The following TBC1D7 variants were observed in gnomAD, a reference collection of about 807,000 sequenced individuals.
TBC1D7 encodes the protein TBC domain family 7.
In TBC1D7, 33 loss-of-function variants were observed where a neutral mutation model predicts 35.3. The observed-to-expected ratio is 0.93, with a 90% CI of 0.71 to 1.25. The LOEUF is 1.25. TBC1D7 is among the 50% of genes most tolerant of loss of function. The pLI is 0.00. For synonymous variants in TBC1D7, 135 were observed against 129.5 expected, an observed-to-expected ratio of 1.04 and a Z score of -0.29; for missense variants, 362 against 365.3, an observed-to-expected ratio of 0.99 and a Z score of 0.07.
rs771341479 is a variant in TBC1D7, at chr6:13,326,895, T to G, written c.4A>C (p.Thr2Pro). 2.5e-6 allele frequency: 4 copies of G among 1,589,820 alleles called. No homozygotes were observed. The highest frequency in any genetic ancestry group is 3.4e-6 in the Non-Finnish European group (4 of 1,163,524). The change falls in exon 2 of 8, where the codon ACT becomes CCT. Residue 2 changes from threonine (T) to proline (P), a missense_variant. Coordinates refer to ENST00000379300, the MANE Select transcript of TBC1D7 (RefSeq NM_016495.6). Reference sequence around the variant, plus strand: ...CGAAAGTTTCTCTGAGAGTCCTCAGTCATATTTCATTCTTGGAGGAGACAC... The same window carrying G: ...CGAAAGTTTCTCTGAGAGTCCTCAGGCATATTTCATTCTTGGAGGAGACAC... M[T>P]EDSQRNFRSV...
At position 13,326,840 on chromosome 6, in the gene TBC1D7, C is replaced by T. The variant is rs1241414350; in HGVS notation, c.59G>A (p.Arg20His). The T allele has an allele frequency of 2.5e-6, 4 of 1,613,138 alleles. No homozygotes were observed. The highest frequency in any genetic ancestry group is 1.1e-5 in the South Asian group (1 of 90,976). Residue 20 changes from arginine (R) to histidine (H), a missense_variant, in exon 2 of 8, where the codon CGT (arginine) becomes CAT (histidine). Arg to His is a conservative substitution (Grantham distance 29). Transcript: ENST00000379300. ...TAATGATTTCTTTTCTTCAACTCCA[C>T]GAAACCCCACTTTCTCATAATATAC... ...RSVYYEKVGF[R>H]GVEEKKSLEI...
chr6:13,317,047 G>A (rs56276003), intron 4 of TBC1D7, among the ~76,000 whole-genome samples: 9,064 of 152,212 alleles, frequency 0.06, 707 homozygotes, highest in African/African-American at 0.17. Flanking sequence ...ACTAGGTGAG[G>A]ATATCTTTGA....
At chr6:13,308,322 A>C (rs569120102) in intron 5 of TBC1D7, among the ~76,000 whole-genome samples, 1 of 152,342 alleles carries the variant, frequency 6.6e-6, no homozygotes, top group Admixed American at 6.5e-5. Flanking sequence ...ACCAGTGCCA[A>C]GCAGGCTCAC....
intron 4 of TBC1D7, among the ~76,000 whole-genome samples, chr6:13,317,098 T>C (rs1320892773): frequency 6.6e-6 from 1 of 152,196 alleles, no homozygotes; most frequent in Non-Finnish European, 1.5e-5. Flanking sequence ...CTGGAGACAT[T>C]TTTCAGCACA....
intron 3 of TBC1D7, among the ~76,000 whole-genome samples, chr6:13,323,208 C>T (rs2127541630): frequency 6.6e-6 from 1 of 152,198 alleles, no homozygotes; most frequent in South Asian, 2.1e-4. Flanking sequence ...AAAAAATTAG[C>T]CGGGCGTGGG....
intron 5 of TBC1D7, among the ~76,000 whole-genome samples, chr6:13,313,239 C>A (rs1298984646): frequency 6.6e-6 from 1 of 151,960 alleles, no homozygotes; most frequent in Non-Finnish European, 1.5e-5. Context: ...ATAACTCTTA[C>A]AAAGAAAAAA....
In TBC1D7 at chr6:13,316,635, T is replaced by C; in HGVS notation, c.455A>G (p.Tyr152Cys). 6.2e-7 allele frequency: 1 copy of C among 1,613,934 alleles called. No individual in the cohort carries two copies. Among genetic ancestry groups the C allele is most frequent in the Non-Finnish European group, 8.5e-7 (1 of 1,179,982 alleles). ...EEMVEDSVDC[Y>C]WITRRFVNQL... ...GTTCACAAAGCGTCGGGTGATCCAG[T>C]AACAGTCGACACTATCTTCCACCAT... Residue 152 changes from tyrosine to cysteine, a missense_variant, in exon 5 of 8, where the codon TAC becomes TGC. Coordinates refer to ENST00000379300, the MANE Select transcript of TBC1D7 (RefSeq NM_016495.6).
At chr6:13,321,795 C>T (rs893696243) in intron 3 of TBC1D7, among the ~76,000 whole-genome samples, 4 of 152,184 alleles carry the variant, frequency 2.6e-5, no homozygotes, top group African/African-American at 9.7e-5. Flanking sequence ...TTGTTTTCCC[C>T]ACCTGCCAGA....
intron 3 of TBC1D7, among the ~76,000 whole-genome samples, chr6:13,321,541 GCTCA>G (rs1300905809): frequency 2.0e-5 from 3 of 152,168 alleles, no homozygotes; most frequent in African/African-American, 7.2e-5. Context: ...GTTAAAACTT[GCTCA>G]CTAAGTATCC....
At chr6:13,325,293 C>T (rs974801469) in intron 2 of TBC1D7, 119 bp from the exon 3 acceptor site, 4 of 680,790 alleles carry the variant, frequency 5.9e-6, no homozygotes, top group Admixed American at 2.7e-5. Flanking sequence ...GGAAGTCTAC[C>T]ATATGGTCAG....
Position 13,321,014 on chromosome 6 carries a change from AG to A in TBC1D7, c.274del (p.Leu92Ter). Reference sequence around the variant, plus strand: ...ATCACTAACAAAGCGAACGACTTTCAGGGCATGAAGGACATCCAAGTACTGC... The same window carrying A: ...ATCACTAACAAAGCGAACGACTTTCAGGCATGAAGGACATCCAAGTACTGC... Reference protein sequence around the residue: ...KEQYLDVLHALKVVRFVSDAT... With the variant: ...KEQYLDVLHAXKVVRFVSDAT... On this transcript the variant is annotated frameshift_variant, in exon 4 of 8. Transcript: ENST00000379300. LOFTEE classifies it high-confidence loss of function. The A allele has an allele frequency of 6.2e-7, 1 of 1,614,228 alleles. No individual in the cohort carries two copies. Among genetic ancestry groups the A allele is most frequent in the Non-Finnish European group, 8.5e-7 (1 of 1,180,032 alleles).
At chr6:13,312,400 A>T (rs868766327) in intron 5 of TBC1D7, among the ~76,000 whole-genome samples, 8 of 152,246 alleles carry the variant, frequency 5.3e-5, no homozygotes, top group Non-Finnish European at 8.8e-5. Context: ...AGTTATGAGA[A>T]AACAGGCCAG....
At chr6:13,315,521 C>G (rs1783542081) in intron 5 of TBC1D7, among the ~76,000 whole-genome samples, 1 of 152,058 alleles carries the variant, frequency 6.6e-6, no homozygotes, top group South Asian at 2.1e-4. Flanking sequence ...CAAGACCGGC[C>G]TGACCAACAC....
At chr6:13,315,641 C>T (rs1209839431) in intron 5 of TBC1D7, among the ~76,000 whole-genome samples, 1 of 152,158 alleles carries the variant, frequency 6.6e-6, no homozygotes, top group African/African-American at 2.4e-5. Context: ...CATTTGAACC[C>T]AGGAGGCAGA....
At chr6:13,314,214 A>AG (rs1004781046) in intron 5 of TBC1D7, among the ~76,000 whole-genome samples, 2 of 152,154 alleles carry the variant, frequency 1.3e-5, no homozygotes, top group African/African-American at 4.8e-5. Flanking sequence ...CAAAAAAAAA[A>AG]AAAAAGGAAA....
At position 13,316,825 on chromosome 6, in the gene TBC1D7, A is replaced by C. The variant is rs1223736880; in HGVS notation, c.382-117T>G. ...TTTGAAAAGGCTACATTAATAAATC[A>C]AAGTAGGATCAAAAAGCACAGAGTC... is the stretch of plus-strand genomic sequence containing the variant. On this transcript the variant is annotated intron_variant, in intron 4 of 7. Transcript: ENST00000379300. 3 of 1,260,786 alleles carry C rather than the reference A, an allele frequency of 2.4e-6. No homozygotes were observed. The East Asian group carries it at 7.0e-5, about 29-fold the overall frequency. 78.1% of individuals were successfully genotyped at this position (1,260,786 alleles called of 1,614,324 possible).
At chr6:13,306,203 C>A in intron 7 of TBC1D7, 195 bp downstream of exon 7, 1 of 418,300 alleles carries the variant, frequency 2.4e-6, no homozygotes, top group Non-Finnish European at 4.0e-6. Context: ...GATTCAAAAT[C>A]AAATCAAATT....
intron 5 of TBC1D7, among the ~76,000 whole-genome samples, chr6:13,309,001 G>A (rs1027079115): frequency 6.6e-6 from 1 of 152,210 alleles, no homozygotes; most frequent in Admixed American, 6.5e-5. Context: ...ACAGACAGGA[G>A]TTAGCCAGGC....
In TBC1D7 at chr6:13,321,065, G is replaced by T. The variant is rs776726073; in HGVS notation, c.224C>A (p.Ala75Asp). The change falls in exon 4 of 8, where the codon GCC (alanine) becomes GAC (aspartate). Residue 75 changes from alanine (A) to aspartate (D), a missense_variant. Coordinates refer to ENST00000379300, the MANE Select transcript of TBC1D7 (RefSeq NM_016495.6). ...GILPPHHESH[A>D]KVMMYRKEQY... ...CTCCTTACGATACATCATCACCTTG[G>T]CATGGGACTCGTGGTGTGGAGGCAA... The T allele has an allele frequency of 6.2e-7, 1 of 1,613,756 alleles. No homozygotes were observed. Among genetic ancestry groups the T allele is most frequent in the Admixed American group, 1.7e-5 (1 of 60,000 alleles).
Sources: gnomAD v4.1 joint callset for allele counts (sites outside exome capture counted in the v4.1 genomes callset) on GRCh38, gnomAD v4.1.1 for gene constraint, MANE v1.5 for transcripts, NCBI Gene and HGNC (gene_info 2026-07-23, HGNC 2026-07-21) for gene names.